KAT6A: variants seen among roughly 807,000 people sequenced by gnomAD.
KAT6A encodes the protein lysine acetyltransferase 6A.
KAT6A carries 9 observed loss-of-function variants against 198.4 expected under a neutral mutation model. The observed-to-expected ratio is 0.05, with a 90% CI of 0.03 to 0.08. KAT6A has a LOEUF of 0.08. Among genes scored for constraint, KAT6A ranks in the 10% least tolerant of loss-of-function variants. The pLI, the probability that KAT6A is intolerant of heterozygous loss-of-function variation, is 1.00. For synonymous variants in KAT6A, 890 were observed against 883.0 expected (o/e 1.01, Z -0.14); for missense variants, 2,077 against 2,509.9 (o/e 0.83, Z 3.69).
intron 2 of KAT6A, among the ~76,000 whole-genome samples, chr8:41,990,382 G>A (rs1269978397): frequency 1.3e-5 from 2 of 152,182 alleles, no homozygotes; most frequent in Non-Finnish European, 1.5e-5. Flanking sequence ...GCATAGTAAG[G>A]AAGACAAGAG....
At chr8:41,959,532 C>T (rs1233602104) in intron 8 of KAT6A, among the ~76,000 whole-genome samples, 2 of 152,168 alleles carry the variant, frequency 1.3e-5, no homozygotes. Context: ...GAAAGCAGTT[C>T]TTTGTATATG....
At chr8:41,944,077 A>C in intron 12 of KAT6A, 98 bp from the exon 13 acceptor site, 2 of 749,676 alleles carry the variant, frequency 2.7e-6, no homozygotes, top group Non-Finnish European at 4.3e-6. Flanking sequence ...ACCAAGAATA[A>C]CTCCAAAGGT....
intron 2 of KAT6A, among the ~76,000 whole-genome samples, chr8:41,996,042 T>C (rs1825186515): frequency 6.6e-6 from 1 of 152,218 alleles, no homozygotes; most frequent in African/African-American, 2.4e-5. Flanking sequence ...TTATCTCTAT[T>C]TTCTAATATC....
chr8:42,035,129 G>A (rs1380230060), intron 2 of KAT6A, among the ~76,000 whole-genome samples: 2 of 152,188 alleles, frequency 1.3e-5, no homozygotes, highest in Non-Finnish European at 2.9e-5. Flanking sequence ...GAATACAGAA[G>A]AGGTTAAATA....
chr8:42,031,267 C>CT (rs1827109896), intron 2 of KAT6A, among the ~76,000 whole-genome samples: 1 of 152,102 alleles, frequency 6.6e-6, no homozygotes, highest in African/African-American at 2.4e-5. Flanking sequence ...GTGTTTTTAA[C>CT]TTTTAAAAAT....
chr8:42,009,908 A>AC (rs1564062841), intron 2 of KAT6A, among the ~76,000 whole-genome samples: 3 of 138,872 alleles, frequency 2.2e-5, no homozygotes, highest in African/African-American at 8.2e-5. Flanking sequence ...AAAAAAAAAA[A>AC]AAAAAACAAA....
chr8:42,019,588 G>A (rs1418051489), intron 2 of KAT6A, among the ~76,000 whole-genome samples: 1 of 152,126 alleles, frequency 6.6e-6, no homozygotes, highest in East Asian at 1.9e-4. Flanking sequence ...TAACTACTCT[G>A]CCAAATTCAC....
At chr8:42,018,084 TGTCA>T (rs1388295499) in intron 2 of KAT6A, among the ~76,000 whole-genome samples, 2 of 152,170 alleles carry the variant, frequency 1.3e-5, no homozygotes, top group African/African-American at 4.8e-5. Context: ...ATTTTTTGCT[TGTCA>T]GTATTTAATG....
chr8:42,021,135 C>A (rs1164220175), intron 2 of KAT6A, among the ~76,000 whole-genome samples: 2 of 151,978 alleles, frequency 1.3e-5, no homozygotes, highest in Non-Finnish European at 2.9e-5. Context: ...TTTTGCCTTT[C>A]CCAAAGGAAT....
In KAT6A at chr8:41,941,185, T is replaced by C. The variant is rs745933378; in HGVS notation, c.2696A>G (p.Tyr899Cys). The C allele has an allele frequency of 1.6e-5, 26 of 1,614,058 alleles. No homozygotes were observed. The South Asian group carries it at 2.6e-4, about 16-fold the overall frequency. ...TTCTGATTTCTCCCCACATTCTCCA[T>C]ATTGTTCCTGAGGAGCTGAAGACGT... ...EETSSAPQEQYGECGEKSEAT... is the reference protein window; with the variant it reads ...EETSSAPQEQCGECGEKSEAT... The change falls in exon 15 of 17, where the codon TAT becomes TGT. Residue 899 changes from tyrosine (Y) to cysteine (C), a missense_variant. By Grantham distance (194) the Tyr-to-Cys change is radical. Coordinates refer to ENST00000265713, the MANE Select transcript of KAT6A (RefSeq NM_006766.5).
At chr8:42,037,093 T>TA (rs889037661) in intron 2 of KAT6A, among the ~76,000 whole-genome samples, 4 of 151,994 alleles carry the variant, frequency 2.6e-5, no homozygotes, top group African/African-American at 9.7e-5. Context: ...TAAACATTCT[T>TA]AAAAAAATAA....
intron 2 of KAT6A, among the ~76,000 whole-genome samples, chr8:41,988,055 G>T (rs1488280747): frequency 6.6e-6 from 1 of 152,200 alleles, no homozygotes. Flanking sequence ...GTGGAGGAAG[G>T]GAAAGGTTGA....
chr8:41,999,437 T>A (rs1825377380), intron 2 of KAT6A, among the ~76,000 whole-genome samples: 1 of 152,170 alleles, frequency 6.6e-6, no homozygotes. Flanking sequence ...CTCTCCTGAC[T>A]CAGTCATGTC....
intron 2 of KAT6A, among the ~76,000 whole-genome samples, chr8:42,041,593 G>A (rs982262370): frequency 2.6e-5 from 4 of 152,010 alleles, no homozygotes; most frequent in African/African-American, 7.2e-5. Flanking sequence ...CAAAAATTAG[G>A]TAGGTATGGT....
intron 2 of KAT6A, among the ~76,000 whole-genome samples, chr8:42,020,909 T>G (rs7845738): frequency 0.56 from 85,818 of 151,896 alleles, 24,685 homozygotes; most frequent in African/African-American, 0.65. Flanking sequence ...GCTCTGTAAC[T>G]TGATCCTTAC....
chr8:41,949,168 G>A (rs763992677), intron 10 of KAT6A, 54 bp downstream of exon 10: 52 of 1,233,894 alleles, frequency 4.2e-5, no homozygotes, highest in Non-Finnish European at 5.4e-5. Flanking sequence ...ATGCAATATA[G>A]GTGGCCCTAC....
Position 41,943,815 on chromosome 8 carries a change from C to T in KAT6A, c.2161G>A (p.Gly721Arg), listed in dbSNP as rs746161274. ...ISIKKLSKLT[G>R]ICPQDITSTL... ...GAAGTGATGTCTTGAGGGCAGATTCCAGTCAACTTGCTTAACTTCTTAATG... is the reference window on the plus strand; with the variant it reads ...GAAGTGATGTCTTGAGGGCAGATTCTAGTCAACTTGCTTAACTTCTTAATG... Residue 721 changes from glycine (G) to arginine (R), a missense_variant, in exon 13 of 17, where the codon GGA becomes AGA. Coordinates refer to ENST00000265713, the MANE Select transcript of KAT6A (RefSeq NM_006766.5). 6.2e-7 allele frequency: 1 copy of T among 1,613,934 alleles called. No individual in the cohort carries two copies. The highest frequency in any genetic ancestry group is 1.1e-5 in the South Asian group (1 of 91,084).
intron 1 of KAT6A, among the ~76,000 whole-genome samples, chr8:42,051,089 C>T (rs1376555269): frequency 6.6e-6 from 1 of 152,156 alleles, no homozygotes; most frequent in Non-Finnish European, 1.5e-5. Context: ...AGACCCCGAG[C>T]ACAAGTTAAC....
Position 41,977,255 on chromosome 8 carries a change from G to C in KAT6A, c.1116C>G (p.Ser372Arg). The part of the protein sequence containing the change: ...RGRKRKITLS[S>R]QSASSSSEEG... ...CTTCTGATGATGATGATGCTGATTG[G>C]CTGGAAAGAGTGATTTTTCGTTTCC... The change falls in exon 7 of 17, where the codon AGC (serine) becomes AGG (arginine). Residue 372 changes from serine (S) to arginine (R), a missense_variant. Around this residue, in one of 13 missense-constraint regions of KAT6A, gnomAD observed 206 missense variants for 214.9 expected, o/e 0.96. Coordinates refer to ENST00000265713, the MANE Select transcript of KAT6A (RefSeq NM_006766.5). The C allele has an allele frequency of 6.2e-7, 1 of 1,614,180 alleles. No individual in the cohort carries two copies. Among genetic ancestry groups the C allele is most frequent in the Middle Eastern group, 1.6e-4 (1 of 6,062 alleles).
Sources: allele counts gnomAD v4.1 joint callset (sites outside exome capture counted in the v4.1 genomes callset), GRCh38; gene constraint gnomAD v4.1.1; regional missense constraint gnomAD v4.1.1; transcripts MANE v1.5; gene names NCBI Gene and HGNC (gene_info 2026-07-23, HGNC 2026-07-21).